Variants in TMEM52B observed in about 807,000 individuals in gnomAD.
The protein encoded by TMEM52B is chromosome 12 open reading frame 59.
Under a neutral mutation model 16.1 loss-of-function variants are expected in TMEM52B, and 11 were observed. That is an observed-to-expected ratio of 0.68 (90% confidence interval 0.43 to 1.13). TMEM52B has a LOEUF of 1.13. Among genes scored for constraint, TMEM52B ranks in the 50% most tolerant of loss-of-function variants. The pLI, the probability that TMEM52B is intolerant of heterozygous loss-of-function variation, is 0.00. For missense variants in TMEM52B, 243 were observed against 230.4 expected (o/e 1.05, Z -0.35); for synonymous variants, 101 against 93.8 (o/e 1.08, Z -0.45).
Position 10,179,648 on chromosome 12 carries a change from G to C in TMEM52B, c.54+20G>C. On this transcript the variant is annotated intron_variant, in intron 1 of 4. Coordinates refer to ENST00000543484, the MANE Select transcript of TMEM52B (RefSeq NM_001384896.1). The stretch of plus-strand genomic sequence containing the variant: ...ATCCTGGTGAGTTCAGTGGTGAAAA[G>C]GCAGAAAGAGTATTTTTCCCCAGAT... 1 of 1,614,058 alleles carries C rather than the reference G, an allele frequency of 6.2e-7. No individual in the cohort carries two copies.
chr12:10,182,449 T>C (rs1485445599), intron 1 of TMEM52B, 101 bp from the exon 2 acceptor site: 4 of 1,455,096 alleles, frequency 2.7e-6, no homozygotes, highest in Middle Eastern at 1.8e-4. Flanking sequence ...ACCTTCTTAC[T>C]GCTTGATCTA....
At position 10,190,747 on chromosome 12, in the gene TMEM52B, C is replaced by T. The variant is rs1484524163; in HGVS notation, c.*607C>T. 1 of 156,884 alleles carries T rather than the reference C, an allele frequency of 6.4e-6. No homozygotes were observed. The highest frequency in any genetic ancestry group is 1.4e-5 in the Non-Finnish European group (1 of 70,634). The allele number at this position is 156,884 out of a possible 1,614,324, so 9.7% of individuals were successfully genotyped here. A position where few individuals can be genotyped will look rare whatever the true frequency, so the allele number is the denominator to read the frequency against. On this transcript the variant is annotated 3_prime_UTR_variant, in exon 5 of 5. Coordinates refer to ENST00000543484, the MANE Select transcript of TMEM52B (RefSeq NM_001384896.1). Reference sequence around the variant, plus strand: ...CAGTCTTTCTTTCTCTCTGGTCCTACCCCTCAGCAGTATGAAAAACTCCAT... The same window carrying T: ...CAGTCTTTCTTTCTCTCTGGTCCTATCCCTCAGCAGTATGAAAAACTCCAT...
intron 1 of TMEM52B, chr12:10,172,305 G>A (rs2137530315): frequency 2.3e-6 from 1 of 439,618 alleles, no homozygotes; most frequent in Non-Finnish European, 4.1e-6. Flanking sequence ...TTCTGAAGGT[G>A]TTTCAGGATA....
intron 4 of TMEM52B, among the ~76,000 whole-genome samples, chr12:10,189,288 T>A (rs1948927496): frequency 6.6e-6 from 1 of 150,780 alleles, no homozygotes; most frequent in Admixed American, 6.6e-5. Flanking sequence ...GAAAGGGATC[T>A]AAGTCTGAAA....
At chr12:10,182,735 C>T in intron 2 of TMEM52B, 142 bp downstream of exon 2, 4 of 928,676 alleles carry the variant, frequency 4.3e-6, no homozygotes, top group Non-Finnish European at 4.5e-6. Context: ...GATGACTTAT[C>T]ACAAAATAAA....
At chr12:10,174,902 T>C (rs1948754618), upstream of TMEM52B, among the ~76,000 whole-genome samples, 1 of 152,258 alleles carries the variant, frequency 6.6e-6, no homozygotes, top group Non-Finnish European at 1.5e-5. Context: ...TGTGGTAGCA[T>C]GTGTCAGAAT....
chr12:10,185,346 T>G lies in TMEM52B; in HGVS notation c.115T>G (p.Trp39Gly). The change falls in exon 3 of 5, where the codon TGG becomes GGG. Residue 39 changes from tryptophan to glycine, a missense_variant. Trp to Gly is a radical substitution (Grantham distance 184, BLOSUM62 -2). Coordinates refer to ENST00000543484, the MANE Select transcript of TMEM52B (RefSeq NM_001384896.1). The part of the protein sequence containing the change: ...GNPEHCLTTD[W>G]VHLWYIWLLV... ...TCTTTATAGTTGCCTGACCACAGAC[T>G]GGGTACATCTCTGGTATATATGGTA... is the stretch of plus-strand genomic sequence containing the variant. The G allele has an allele frequency of 6.2e-7, 1 of 1,607,328 alleles. No homozygotes were observed. The highest frequency in any genetic ancestry group is 8.5e-7 in the Non-Finnish European group (1 of 1,173,760).
chr12:10,185,491 G>T (rs1948869262), intron 3 of TMEM52B, 123 bp downstream of exon 3: 1 of 738,150 alleles, frequency 1.4e-6, no homozygotes. Flanking sequence ...CTACCTATGT[G>T]ACAATATGTC....
intron 4 of TMEM52B, among the ~76,000 whole-genome samples, chr12:10,188,539 A>AG (rs1555091180): frequency 1.0e-4 from 4 of 39,626 alleles, no homozygotes; most frequent in African/African-American, 2.0e-4. Flanking sequence ...GAAGGAAGGA[A>AG]AAGAAGAAAA....
At chr12:10,181,549 C>T (rs573735266) in intron 1 of TMEM52B, among the ~76,000 whole-genome samples, 67 of 150,478 alleles carry the variant, frequency 4.5e-4, no homozygotes, top group African/African-American at 1.6e-3. Context: ...AGGCTGGTCT[C>T]GAACTCCTGA....
At chr12:10,178,269 C>A (rs1948783020), upstream of TMEM52B, among the ~76,000 whole-genome samples, 2 of 151,718 alleles carry the variant, frequency 1.3e-5, no homozygotes, top group Non-Finnish European at 2.9e-5. Flanking sequence ...GTAATCCCAG[C>A]ACTTTGGGAG....
chr12:10,182,545 T>A lies in TMEM52B; in HGVS notation c.55-5T>A, dbSNP rs1427838551. Reference sequence around the variant, plus strand: ...CCCTGTATAAGACAATTTCTCTTTCTACAGCTTTCTGGGACGAGATGTGAG... The same window carrying A: ...CCCTGTATAAGACAATTTCTCTTTCAACAGCTTTCTGGGACGAGATGTGAG... On this transcript the variant is annotated splice_polypyrimidine_tract_variant and splice_region_variant and intron_variant, in intron 1 of 4. Coordinates refer to ENST00000543484, the MANE Select transcript of TMEM52B (RefSeq NM_001384896.1). 6.5e-7 allele frequency: 1 copy of A among 1,535,018 alleles called. No individual in the cohort carries two copies. Among genetic ancestry groups the A allele is most frequent in the Non-Finnish European group, 8.7e-7 (1 of 1,146,246 alleles).
At chr12:10,189,758 A>C in intron 4 of TMEM52B, 138 bp from the exon 5 acceptor site, 4 of 1,215,716 alleles carry the variant, frequency 3.3e-6, no homozygotes, top group Non-Finnish European at 4.5e-6. Flanking sequence ...GATATTCATA[A>C]AATTTGGGGC....
At chr12:10,182,730 C>G in intron 2 of TMEM52B, 137 bp downstream of exon 2, 1 of 936,212 alleles carries the variant, frequency 1.1e-6, no homozygotes, top group Non-Finnish European at 1.5e-6. Context: ...TCATAGATGA[C>G]TTATCACAAA....
At chr12:10,184,450 T>C (rs1468306135) in intron 2 of TMEM52B, among the ~76,000 whole-genome samples, 1 of 152,150 alleles carries the variant, frequency 6.6e-6, no homozygotes, top group Non-Finnish European at 1.5e-5. Flanking sequence ...TCTAGGGGAC[T>C]GAGTCCTCAC....
chr12:10,177,938 C>T (rs1948780109), upstream of TMEM52B, among the ~76,000 whole-genome samples: 2 of 151,468 alleles, frequency 1.3e-5, no homozygotes, highest in African/African-American at 4.8e-5. Context: ...CTCTATCACC[C>T]AGGCTGGAGT....
chr12:10,181,813 G>T (rs1255281804), intron 1 of TMEM52B, among the ~76,000 whole-genome samples: 1 of 151,088 alleles, frequency 6.6e-6, no homozygotes, highest in Non-Finnish European at 1.5e-5. Flanking sequence ...GGTCACTTGA[G>T]GTCAGGTGTT....
upstream of TMEM52B, chr12:10,175,585 C>T (rs1948759806): frequency 6.6e-6 from 1 of 152,198 alleles, no homozygotes; most frequent in African/African-American, 2.4e-5. Flanking sequence ...TAAACTGAAT[C>T]CTTCTGTCTT....
chr12:10,178,663 A>AG (rs1591987854), upstream of TMEM52B, among the ~76,000 whole-genome samples: 4 of 127,272 alleles, frequency 3.1e-5, no homozygotes, highest in South Asian at 2.3e-4. Flanking sequence ...GAGAGAGAGA[A>AG]AGAGAGAGAA....
Sources: gnomAD v4.1 joint callset for allele counts (sites outside exome capture counted in the v4.1 genomes callset) on GRCh38, gnomAD v4.1.1 for gene constraint, MANE v1.5 for transcripts, NCBI Gene and HGNC (gene_info 2026-07-23, HGNC 2026-07-21) for gene names.